CADPS2: variants seen among roughly 807,000 people sequenced by gnomAD.
CADPS2 encodes the protein calcium-dependent secretion activator 2.
In CADPS2, 93 loss-of-function variants were observed where a neutral mutation model predicts 172.5. The ratio of observed to expected loss-of-function variants is 0.54; its 90% CI spans 0.46 to 0.64. The LOEUF is 0.64. Ranked by LOEUF, CADPS2 falls within the 30% of genes least tolerant of loss-of-function variation. CADPS2 has a pLI of 0.00. For missense variants in CADPS2, 1,420 were observed against 1,565.9 expected (o/e 0.91, Z 1.57); for synonymous variants, 546 against 555.2 (o/e 0.98, Z 0.23).
intron 24 of CADPS2, 116 bp downstream of exon 24, chr7:122,386,910 T>A: frequency 2.0e-6 from 2 of 1,008,422 alleles, no homozygotes; most frequent in Non-Finnish European, 2.8e-6. Context: ...GATCAAACGT[T>A]TGGTGCTAGA....
At chr7:122,734,387 G>GAAAAAAAA (rs768675808) in intron 2 of CADPS2, among the ~76,000 whole-genome samples, 1 of 90,800 alleles carries the variant, frequency 1.1e-5, no homozygotes, top group South Asian at 4.1e-4. Flanking sequence ...AAAAAAAAAA[G>GAAAAAAAA]AAAAAAAAAA....
Position 122,621,560 on chromosome 7 carries a change from T to C in CADPS2, c.1025A>G (p.Asn342Ser). The change falls in exon 5 of 30, where the codon AAC (asparagine) becomes AGC (serine). Residue 342 changes from asparagine (N) to serine (S), a missense_variant. Transcript: ENST00000449022. ...FKLQKLKRSQ[N>S]SAFLDIGDEN... ...ATCTCCTATGTCCAAAAATGCAGAG[T>C]TCTGTGAACGTTTTAATTTTTGTAA... 6 of 1,613,786 alleles carry C rather than the reference T, an allele frequency of 3.7e-6. No individual in the cohort carries two copies. Among genetic ancestry groups the C allele is most frequent in the Non-Finnish European group, 5.1e-6 (6 of 1,179,802 alleles).
intron 2 of CADPS2, among the ~76,000 whole-genome samples, chr7:122,680,927 C>T (rs906847446): frequency 3.1e-4 from 47 of 151,660 alleles, no homozygotes; most frequent in African/African-American, 1.1e-3. Context: ...GGCACATATA[C>T]ACCATGGAAT....
chr7:122,775,336 A>T (rs898148529), intron 1 of CADPS2, among the ~76,000 whole-genome samples: 1 of 152,248 alleles, frequency 6.6e-6, no homozygotes, highest in African/African-American at 2.4e-5. Context: ...GTTACTGTTC[A>T]CAACACAGAA....
intron 1 of CADPS2, among the ~76,000 whole-genome samples, chr7:122,775,269 C>G (rs1251113603): frequency 6.6e-6 from 1 of 152,206 alleles, no homozygotes; most frequent in African/African-American, 2.4e-5. Flanking sequence ...ATTAGTCTGC[C>G]ATAGCGTCAT....
At chr7:122,633,010 G>A (rs1370719674) in intron 3 of CADPS2, among the ~76,000 whole-genome samples, 1 of 152,084 alleles carries the variant, frequency 6.6e-6, no homozygotes, top group East Asian at 1.9e-4. Context: ...AGTTGTAGGT[G>A]TGCAGGTTTA....
chr7:122,735,485 C>T (rs1299512684), intron 2 of CADPS2, among the ~76,000 whole-genome samples: 1 of 152,128 alleles, frequency 6.6e-6, no homozygotes, highest in Non-Finnish European at 1.5e-5. Context: ...TTTTTATTAG[C>T]ACAGCTTGTG....
chr7:122,474,317 A>G lies in CADPS2; in HGVS notation c.1998+64T>C, dbSNP rs2056360861. The stretch of plus-strand genomic sequence containing the variant: ...CTCACTTTCTAAAATCTTTTATTCC[A>G]ACTTATAGGGGATCTAAAATCTTTT... On this transcript the variant is annotated intron_variant, in intron 13 of 29. Transcript: ENST00000449022. 8 of 1,491,624 alleles carry G rather than the reference A, an allele frequency of 5.4e-6. No homozygotes were observed. In the South Asian group the frequency reaches 1.0e-4, roughly 19 times the overall value. The allele number at this position is 1,491,624 out of a possible 1,614,324, so 92.4% of individuals were successfully genotyped here. A position where few individuals can be genotyped will look rare whatever the true frequency, so the allele number is the denominator to read the frequency against.
At chr7:122,545,446 G>A (rs540693782) in intron 8 of CADPS2, among the ~76,000 whole-genome samples, 6 of 152,194 alleles carry the variant, frequency 3.9e-5, no homozygotes, top group African/African-American at 1.2e-4. Context: ...TTAGGAGTTC[G>A]TGTTGGGTAT....
intron 8 of CADPS2, among the ~76,000 whole-genome samples, chr7:122,541,857 TTATATATATG>T (rs2063109005): frequency 1.1e-4 from 9 of 79,030 alleles, no homozygotes; most frequent in Admixed American, 1.1e-3. Context: ...TCATATATAT[TTATATATATG>T]CATATATATT....
At chr7:122,393,075 A>C in intron 22 of CADPS2, 121 bp downstream of exon 22, 5 of 1,188,460 alleles carry the variant, frequency 4.2e-6, no homozygotes, top group South Asian at 1.9e-5. Flanking sequence ...TAAAAAAAAA[A>C]AAACAGTATT....
intron 6 of CADPS2, among the ~76,000 whole-genome samples, chr7:122,611,239 GGA>G (rs1194728027): frequency 6.6e-6 from 1 of 152,020 alleles, no homozygotes; most frequent in Non-Finnish European, 1.5e-5. Context: ...CAGAAAAATA[GGA>G]GAGAGTCCAA....
At position 122,697,898 on chromosome 7, in the gene CADPS2, A is replaced by C. The variant is rs932845690; in HGVS notation, c.454-34329T>G. The stretch of plus-strand genomic sequence containing the variant: ...ACTTTATCTGAGGTTCCTGCAGGAG[A>C]AACTTCATTATTTGTCTCCTCTTCA... On this transcript the variant is annotated intron_variant, in intron 2 of 29. Coordinates refer to ENST00000449022, the MANE Select transcript of CADPS2 (RefSeq NM_017954.11). The C allele has an allele frequency of 3.1e-6, 5 of 1,613,796 alleles. No homozygotes were observed. The Admixed American group carries it at 8.3e-5, about 27-fold the overall frequency.
At chr7:122,654,498 A>T (rs1588154743) in intron 3 of CADPS2, among the ~76,000 whole-genome samples, 1 of 152,228 alleles carries the variant, frequency 6.6e-6, no homozygotes, top group Admixed American at 6.5e-5. Context: ...GATTTGAAGA[A>T]TCATGCTAAA....
At chr7:122,639,928 T>C (rs2077435400) in intron 3 of CADPS2, among the ~76,000 whole-genome samples, 1 of 152,154 alleles carries the variant, frequency 6.6e-6, no homozygotes, top group Non-Finnish European at 1.5e-5. Flanking sequence ...AGTGTGTATC[T>C]ATAGCACGAA....
At chr7:122,773,723 A>G (rs917788049) in intron 1 of CADPS2, among the ~76,000 whole-genome samples, 3 of 152,082 alleles carry the variant, frequency 2.0e-5, no homozygotes, top group African/African-American at 7.2e-5. Context: ...TTGGCATAAA[A>G]AGTACCTTTT....
intron 9 of CADPS2, among the ~76,000 whole-genome samples, chr7:122,495,743 T>G (rs938098256): frequency 6.6e-6 from 1 of 152,200 alleles, no homozygotes; most frequent in African/African-American, 2.4e-5. Context: ...CTTTCCAATT[T>G]GTACATACTA....
chr7:122,394,941 G>C (rs1377753532), intron 20 of CADPS2, among the ~76,000 whole-genome samples: 1 of 152,132 alleles, frequency 6.6e-6, no homozygotes, highest in Non-Finnish European at 1.5e-5. Flanking sequence ...CTTTGACTAG[G>C]GTGAAGAGGT....
chr7:122,708,520 GATATATATATAT>G lies in CADPS2; in HGVS notation c.453+28423_453+28434del, dbSNP rs57522086. 6.2e-3 allele frequency among the ~76,000 whole-genome samples: 719 copies of G among 116,194 alleles called. 3 individuals are homozygous for G. The highest frequency in any genetic ancestry group is 0.012 in the African/African-American group (362 of 29,310). 76.2% of individuals were successfully genotyped at this position (116,194 alleles called of 152,430 possible). ...GTAGATCCAAACATATTGTATTCGAGATATATATATATATATATATATATATATATATATATA... is the reference window on the plus strand; with the variant it reads ...GTAGATCCAAACATATTGTATTCGAGATATATATATATATATATATATATA... On this transcript the variant is annotated intron_variant, in intron 2 of 29. Transcript: ENST00000449022.
Sources: gnomAD v4.1 joint callset for allele counts (sites outside exome capture counted in the v4.1 genomes callset) on GRCh38, gnomAD v4.1.1 for gene constraint, MANE v1.5 for transcripts, NCBI Gene and HGNC (gene_info 2026-07-23, HGNC 2026-07-21) for gene names.